ITPR2: variants seen among roughly 807,000 people sequenced by gnomAD.
ITPR2 encodes the protein inositol 1,4,5-trisphosphate-gated calcium channel ITPR2.
ITPR2 carries 207 observed loss-of-function variants against 317.1 expected under a neutral mutation model. The ratio of observed to expected loss-of-function variants is 0.65; its 90% confidence interval spans 0.58 to 0.73. The LOEUF is 0.73. Ranked by LOEUF, ITPR2 falls within the 30% of genes least tolerant of loss-of-function variation. The probability of loss-of-function intolerance (pLI) is 0.00; values close to 1 mark genes in which losing one functional copy is unlikely to be tolerated. For synonymous variants in ITPR2, 1,156 were observed against 1,149.1 expected (o/e 1.01, Z -0.12); for missense variants, 2,613 against 3,284.0 (o/e 0.80, Z 4.99).
chr12:26,475,253 T>G, intron 45 of ITPR2, 43 bp downstream of exon 45: 2 of 1,609,514 alleles, frequency 1.2e-6, no homozygotes, highest in Non-Finnish European at 1.7e-6. Context: ...AAAACACGAT[T>G]GATAGGATGA....
chr12:26,627,046 A>G (rs1271145225), intron 23 of ITPR2, among the ~76,000 whole-genome samples: 1 of 152,196 alleles, frequency 6.6e-6, no homozygotes, highest in Admixed American at 6.5e-5. Flanking sequence ...CTCTTTTGTT[A>G]TGCTCCAGTG....
At chr12:26,654,555 A>G (rs907610701) in intron 20 of ITPR2, among the ~76,000 whole-genome samples, 4 of 152,170 alleles carry the variant, frequency 2.6e-5, no homozygotes, top group Non-Finnish European at 4.4e-5. Context: ...CAAGTGCGAG[A>G]GTCTACCTCC....
chr12:26,657,651 T>C (rs1947401272), intron 18 of ITPR2, 56 bp downstream of exon 18: 1 of 1,491,108 alleles, frequency 6.7e-7, no homozygotes, highest in Non-Finnish European at 9.3e-7. Context: ...AGAGAACCAG[T>C]TCTCAATTAA....
chr12:26,510,862 A>G (rs1291393048), intron 37 of ITPR2, among the ~76,000 whole-genome samples: 1 of 152,202 alleles, frequency 6.6e-6, no homozygotes, highest in African/African-American at 2.4e-5. Context: ...AGGAGTGTGC[A>G]TTTGTTTTAA....
intron 2 of ITPR2, among the ~76,000 whole-genome samples, chr12:26,775,812 T>C (rs1426907136): frequency 6.6e-6 from 1 of 151,632 alleles, no homozygotes; most frequent in Non-Finnish European, 1.5e-5. Context: ...CATTGAACAT[T>C]GGACTCTAAG....
intron 54 of ITPR2, among the ~76,000 whole-genome samples, chr12:26,394,740 C>A (rs549152418): frequency 1.3e-5 from 2 of 152,144 alleles, no homozygotes; most frequent in East Asian, 3.9e-4. Flanking sequence ...CTGGCAACAC[C>A]GAGCAGACCA....
chr12:26,546,192 G>A (rs1944387670), intron 37 of ITPR2, among the ~76,000 whole-genome samples: 1 of 152,062 alleles, frequency 6.6e-6, no homozygotes, highest in Non-Finnish European at 1.5e-5. Flanking sequence ...ATATAAATGT[G>A]TAGTGATCAA....
intron 21 of ITPR2, among the ~76,000 whole-genome samples, chr12:26,639,954 A>G (rs1296537205): frequency 6.6e-6 from 1 of 152,148 alleles, no homozygotes; most frequent in African/African-American, 2.4e-5. Flanking sequence ...TCTTTAAAGC[A>G]GCATGATTTA....
chr12:26,550,536 T>C (rs543345188), intron 36 of ITPR2, among the ~76,000 whole-genome samples, 181 bp from the exon 37 acceptor site: 1 of 152,186 alleles, frequency 6.6e-6, no homozygotes, highest in Non-Finnish European at 1.5e-5. Flanking sequence ...TTACAACACA[T>C]TATTTTTGTC....
intron 45 of ITPR2, among the ~76,000 whole-genome samples, chr12:26,475,054 T>C (rs1942386261): frequency 6.6e-6 from 1 of 152,152 alleles, no homozygotes; most frequent in Non-Finnish European, 1.5e-5. Flanking sequence ...CATGGGAATG[T>C]CTCCTCCCTT....
chr12:26,351,622 T>C (rs1938487618), intron 55 of ITPR2, among the ~76,000 whole-genome samples: 1 of 152,050 alleles, frequency 6.6e-6, no homozygotes. Flanking sequence ...GCCACTATAC[T>C]CCAGCCTGGG....
chr12:26,529,391 T>A (rs1214911129), intron 37 of ITPR2, among the ~76,000 whole-genome samples: 2 of 152,226 alleles, frequency 1.3e-5, no homozygotes, highest in East Asian at 3.8e-4. Flanking sequence ...GGAATCCAGC[T>A]GCTAATGCAG....
chr12:26,617,660 G>GA (rs1946399935), intron 26 of ITPR2, among the ~76,000 whole-genome samples: 2 of 145,718 alleles, frequency 1.4e-5, no homozygotes, highest in African/African-American at 2.5e-5. Flanking sequence ...AGGAGGGACG[G>GA]AGGGAGGGAA....
At chr12:26,751,864 T>TAAA (rs58449510) in intron 2 of ITPR2, among the ~76,000 whole-genome samples, 1 of 132,950 alleles carries the variant, frequency 7.5e-6, no homozygotes, top group African/African-American at 2.9e-5. Context: ...AGACTCTATC[T>TAAA]AAAAAAAAAA....
chr12:26,723,984 A>C (rs560943706), intron 4 of ITPR2, among the ~76,000 whole-genome samples: 2 of 152,302 alleles, frequency 1.3e-5, no homozygotes, highest in Admixed American at 1.3e-4. Flanking sequence ...ACTTTACAAC[A>C]TGGTTTTTAT....
chr12:26,548,313 C>G (rs1944437375), intron 37 of ITPR2, among the ~76,000 whole-genome samples: 1 of 152,104 alleles, frequency 6.6e-6, no homozygotes, highest in Non-Finnish European at 1.5e-5. Context: ...ATTATAGGTA[C>G]ATTGAGTAAC....
At position 26,655,724 on chromosome 12, in the gene ITPR2, T is replaced by C; in HGVS notation, c.2573A>G (p.Asn858Ser). Residue 858 changes from asparagine (N) to serine (S), a missense_variant, in exon 20 of 57, where the codon AAT (asparagine) becomes AGT (serine). By Grantham distance (46) the Asn-to-Ser change is conservative (BLOSUM62 1). Around this residue, in one of 9 missense-constraint regions of ITPR2, gnomAD observed 817 missense variants for 897.6 expected, o/e 0.91. Transcript: ENST00000381340. ...QPFPFGDKEK[N>S]KLTFEVVHLA... Reference sequence around the variant, plus strand: ...ACAAAGTACCTCAAATGTCAGTTTATTTTTTTCTTTATCCCCAAAAGGAAA... The same window carrying C: ...ACAAAGTACCTCAAATGTCAGTTTACTTTTTTCTTTATCCCCAAAAGGAAA... The C allele has an allele frequency of 6.2e-7, 1 of 1,613,240 alleles. No individual in the cohort carries two copies. The highest frequency in any genetic ancestry group is 1.7e-4 in the Middle Eastern group (1 of 6,054).
intron 1 of ITPR2, among the ~76,000 whole-genome samples, chr12:26,808,225 G>T (rs892009732): frequency 6.6e-6 from 1 of 152,306 alleles, no homozygotes; most frequent in Non-Finnish European, 1.5e-5. Context: ...GGAGCCCTTG[G>T]TTCCAGTTGT....
chr12:26,479,721 G>T (rs1224127396), intron 43 of ITPR2, among the ~76,000 whole-genome samples: 1 of 152,120 alleles, frequency 6.6e-6, no homozygotes, highest in Non-Finnish European at 1.5e-5. Flanking sequence ...AGAAAGAGCA[G>T]AAGCTTATAC....
Sources: allele counts gnomAD v4.1 joint callset (sites outside exome capture counted in the v4.1 genomes callset), GRCh38; gene constraint gnomAD v4.1.1; regional missense constraint gnomAD v4.1.1; transcripts MANE v1.5; gene names NCBI Gene and HGNC (gene_info 2026-07-23, HGNC 2026-07-21).